RGS3: variants seen among roughly 807,000 people sequenced by gnomAD.
RGS3 encodes the protein regulator of G protein signaling 3, also known as regulator of G-protein signalling 3.
A neutral mutation model predicts 132.6 loss-of-function variants in RGS3; 80 were observed. The observed-to-expected ratio is 0.60, with a 90% confidence interval of 0.50 to 0.73. RGS3 has a LOEUF of 0.73. Among genes scored for constraint, RGS3 ranks in the 30% least tolerant of loss-of-function variants. RGS3 has a pLI of 0.00. For synonymous variants in RGS3, 598 were observed against 620.6 expected (o/e 0.96, Z 0.54); for missense variants, 1,382 against 1,530.8 (o/e 0.90, Z 1.62).
intron 19 of RGS3, among the ~76,000 whole-genome samples, chr9:113,545,851 A>G (rs533420633): frequency 2.8e-4 from 43 of 152,192 alleles, no homozygotes; most frequent in Non-Finnish European, 6.0e-4. Context: ...CCCAATTTAG[A>G]TATGAAGACG....
chr9:113,507,673 C>T lies in RGS3; in HGVS notation c.1437+35C>T, dbSNP rs1383278347. 4 of 1,420,980 alleles carry T rather than the reference C, an allele frequency of 2.8e-6. No homozygotes were observed. Among genetic ancestry groups the T allele is most frequent in the Non-Finnish European group, 2.8e-6 (3 of 1,078,414 alleles). The allele number at this position is 1,420,980 out of a possible 1,614,324, so 88.0% of individuals were successfully genotyped here. A position where few individuals can be genotyped will look rare whatever the true frequency, so the allele number is the denominator to read the frequency against. On this transcript the variant is annotated intron_variant, in intron 13 of 24. Coordinates refer to ENST00000350696, the Ensembl canonical transcript of RGS3. The surrounding 1 kb of genome is among the most constrained non-coding windows in gnomAD (Gnocchi z 5.0). ...GCTGGTGTGGGGAAGGTGAAGGGTA[C>T]TGGGTCCCTGTGGGAGGCCAGGAAG... is the stretch of plus-strand genomic sequence containing the variant.
At chr9:113,484,027 C>G in intron 5 of RGS3, 111 bp from the exon 4 acceptor site, 1 of 665,186 alleles carries the variant, frequency 1.5e-6, no homozygotes, top group Admixed American at 2.3e-5. Flanking sequence ...TCTGCAGAGG[C>G]TGACTTGAAG....
intron 20 of RGS3, among the ~76,000 whole-genome samples, chr9:113,590,557 TATCCATCCATCCATCC>T (rs746005388): frequency 1.3e-4 from 20 of 148,626 alleles, no homozygotes; most frequent in Admixed American, 3.3e-4. Context: ...CCTATCCACA[TATCCATCCATCCATCC>T]ATCCATCCAT....
intron 3 of RGS3, among the ~76,000 whole-genome samples, chr9:113,466,422 C>T (rs572439403): frequency 1.2e-4 from 18 of 152,282 alleles, no homozygotes; most frequent in East Asian, 3.9e-4. Context: ...GAATTCCCTT[C>T]GGGGAGAGTA....
chr9:113,580,853 A>C (rs1038129034), intron 19 of RGS3: 2 of 985,656 alleles, frequency 2.0e-6, no homozygotes, highest in Non-Finnish European at 2.4e-6. Flanking sequence ...ACTGACAGTC[A>C]CCACTGGGAC....
rs1046027144 is a variant in RGS3 at position 113,463,742 on chromosome 9, T to C, written c.415+1541T>C. On this transcript the variant is annotated intron_variant, in intron 3 of 24. Transcript: ENST00000350696. The surrounding 1 kb of genome is among the most constrained non-coding windows in gnomAD (Gnocchi z 4.6). The stretch of plus-strand genomic sequence containing the variant: ...CTCCCGCCCTGGAGACTCCGGTTAC[T>C]GGGGAGCAACACAGCCGCCTCGGGT... The C allele has an allele frequency of 6.5e-6, 10 of 1,540,158 alleles. No homozygotes were observed. In the African/African-American group the frequency reaches 9.7e-5, roughly 15 times the overall value.
chr9:113,553,459 AATATATATAT>A (rs1217293385), intron 19 of RGS3, among the ~76,000 whole-genome samples: 29 of 58,686 alleles, frequency 4.9e-4, no homozygotes, highest in Admixed American at 1.4e-3. Context: ...AAAAAAAAAA[AATATATATAT>A]ATATATATAT....
At chr9:113,514,590 A>C (rs759879702) in exon 15 of RGS3, 1 of 1,614,024 alleles carries the variant, frequency 6.2e-7, no homozygotes, top group Admixed American at 1.7e-5. Context: ...CATGCCACGC[A>C]CTCAAGCTAT....
chr9:113,503,315 G>A (rs1442255883), intron 10 of RGS3: 1 of 152,528 alleles, frequency 6.6e-6, no homozygotes, highest in East Asian at 1.9e-4. Context: ...TTCCCCTAGG[G>A]GCTGCAGGGA....
chr9:113,490,930 A>G (rs1830493828), intron 7 of RGS3, among the ~76,000 whole-genome samples: 1 of 131,548 alleles, frequency 7.6e-6, no homozygotes, highest in East Asian at 2.1e-4. Flanking sequence ...ATAATTATAT[A>G]TAACCTAATT....
Position 113,507,744 on chromosome 9 carries a change from C to A in RGS3, c.1437+106C>A. 1 of 916,122 alleles carries A rather than the reference C, an allele frequency of 1.1e-6. No individual in the cohort carries two copies. Among genetic ancestry groups the A allele is most frequent in the African/African-American group, 1.7e-5 (1 of 60,036 alleles). The allele number at this position is 916,122 out of a possible 1,614,324, so 56.7% of individuals were successfully genotyped here. A position where few individuals can be genotyped will look rare whatever the true frequency, so the allele number is the denominator to read the frequency against. ...GTGATGAGCAGCCTGTGAGGGGCTG[C>A]GATGTTGGGCAAGGAGATGGGGTAT... is the stretch of plus-strand genomic sequence containing the variant. On this transcript the variant is annotated intron_variant, in intron 13 of 24. Coordinates refer to ENST00000350696, the Ensembl canonical transcript of RGS3. This position sits in a 1 kb window ranked among gnomAD's most constrained non-coding sequence, Gnocchi z 5.0.
chr9:113,581,035 G>A, intron 19 of RGS3: 1 of 930,926 alleles, frequency 1.1e-6, no homozygotes, highest in East Asian at 1.2e-4. Context: ...GGTGGGTCGG[G>A]GGGAGGTCTG....
intron 21 of RGS3, chr9:113,593,977 C>T: frequency 2.5e-6 from 4 of 1,613,040 alleles, no homozygotes; most frequent in Non-Finnish European, 3.4e-6. Context: ...CGGGGCGGCC[C>T]CAGAGGCTGT....
intron 1 of RGS3, among the ~76,000 whole-genome samples, chr9:113,461,377 G>A (rs1720363209): frequency 6.6e-6 from 1 of 152,114 alleles, no homozygotes; most frequent in Non-Finnish European, 1.5e-5. Context: ...CAGCAGTGTG[G>A]GTTAATAGGG....
chr9:113,462,269 C>G, intron 3 of RGS3: 1 of 753,018 alleles, frequency 1.3e-6, no homozygotes. Context: ...CAGTGTTCAC[C>G]ATGTGTGTGT....
At chr9:113,447,292 G>T (rs1468516833) in intron 1 of RGS3, among the ~76,000 whole-genome samples, 1 of 98,722 alleles carries the variant, frequency 1.0e-5, no homozygotes, top group Non-Finnish European at 2.1e-5. Context: ...AAAAATACAG[G>T]GAGGGTGTAA....
intron 19 of RGS3, among the ~76,000 whole-genome samples, chr9:113,573,157 TGTGCAGGTACCTTGAC>T (rs1048119628): frequency 1.3e-5 from 2 of 152,224 alleles, no homozygotes; most frequent in Non-Finnish European, 2.9e-5. Flanking sequence ...TTAAGCAGCC[TGTGCAGGTACCTTGAC>T]GTAGGAGGTG....
chr9:113,594,407 C>T (rs1215295751), intron 21 of RGS3, 23 bp from the exon 20 acceptor site: 1 of 1,612,460 alleles, frequency 6.2e-7, no homozygotes. Flanking sequence ...CTGAGCAACC[C>T]TCTTTTCTGC....
intron 4 of RGS3, among the ~76,000 whole-genome samples, chr9:113,480,596 T>G (rs1272349431): frequency 2.6e-5 from 4 of 152,024 alleles, no homozygotes; most frequent in Non-Finnish European, 5.9e-5. Context: ...CAGGGAAGAC[T>G]TGGCGGAGGG....
Sources: allele counts gnomAD v4.1 joint callset (sites outside exome capture counted in the v4.1 genomes callset), GRCh38; gene constraint gnomAD v4.1.1; non-coding constraint Gnocchi (gnomAD v3.1); transcripts MANE v1.5; gene names NCBI Gene and HGNC (gene_info 2026-07-23, HGNC 2026-07-21).